DLGAP1: variants seen among roughly 807,000 people sequenced by gnomAD.
DLGAP1 encodes the protein DLG associated protein 1.
In DLGAP1, 11 loss-of-function variants were observed where a neutral mutation model predicts 90.8. That is an observed-to-expected ratio of 0.12 (90% CI 0.08 to 0.20). The LOEUF (loss-of-function observed/expected upper bound fraction) is 0.20. DLGAP1 is among the 10% of genes least tolerant of loss of function. DLGAP1 has a pLI of 1.00. For synonymous variants in DLGAP1, 558 were observed against 540.7 expected, an observed-to-expected ratio of 1.03 and a Z score of -0.44; for missense variants, 1,050 against 1,333.8, an observed-to-expected ratio of 0.79 and a Z score of 3.31.
chr18:3,677,671 T>G (rs908206303), intron 7 of DLGAP1, among the ~76,000 whole-genome samples: 3 of 152,224 alleles, frequency 2.0e-5, no homozygotes, highest in Non-Finnish European at 4.4e-5. Flanking sequence ...TTTCTTTTTT[T>G]TATTTGAAAC....
chr18:4,415,704 T>C (rs2082884773), intron 1 of DLGAP1, among the ~76,000 whole-genome samples: 1 of 152,176 alleles, frequency 6.6e-6, no homozygotes, highest in South Asian at 2.1e-4. Flanking sequence ...TTACTAGCTT[T>C]ATGTCTTGGG....
intron 1 of DLGAP1, among the ~76,000 whole-genome samples, chr18:4,361,586 T>C (rs984293277): frequency 6.6e-6 from 1 of 152,200 alleles, no homozygotes; most frequent in Admixed American, 6.5e-5. Flanking sequence ...CACCTAATGC[T>C]ACATATAAAA....
chr18:3,541,491 T>C (rs1388983979), intron 9 of DLGAP1, among the ~76,000 whole-genome samples: 2 of 152,210 alleles, frequency 1.3e-5, no homozygotes, highest in Non-Finnish European at 2.9e-5. Flanking sequence ...GGGTGGGTAC[T>C]GGGCTGTGAG....
intron 5 of DLGAP1, among the ~76,000 whole-genome samples, chr18:3,770,729 G>A (rs900426898): frequency 1.3e-5 from 2 of 152,172 alleles, no homozygotes; most frequent in African/African-American, 4.8e-5. Context: ...ATATTTGAAA[G>A]CATTTGTGAG....
intron 1 of DLGAP1, among the ~76,000 whole-genome samples, chr18:4,426,241 G>C (rs533420706): frequency 1.2e-4 from 19 of 152,236 alleles, no homozygotes; most frequent in Non-Finnish European, 2.6e-4. Context: ...CACACCCTTA[G>C]TGCATGTAGA....
chr18:3,866,800 G>A (rs2070412361), intron 4 of DLGAP1, among the ~76,000 whole-genome samples: 1 of 152,176 alleles, frequency 6.6e-6, no homozygotes, highest in Non-Finnish European at 1.5e-5. Flanking sequence ...GGGACTGGAA[G>A]GAAATGTCTT....
Position 4,076,010 on chromosome 18 carries a change from CTCCCTT to C in DLGAP1, c.-158-70815_-158-70810del, listed in dbSNP as rs977377258. Among the ~76,000 whole-genome samples the C allele has an allele frequency of 2.0e-5, 3 of 152,160 alleles. 1 individual carries two copies. The highest frequency in any genetic ancestry group is 7.2e-5 in the African/African-American group (3 of 41,422). On this transcript the variant is annotated intron_variant, in intron 2 of 12. Transcript: ENST00000315677. Reference sequence around the variant, plus strand: ...ACTCTTGGTCGCTCTCCCTCTCCCTCTCCCTTTCTCGCTCTCTGTCTGCCAATGCCT... The same window carrying C: ...ACTCTTGGTCGCTCTCCCTCTCCCTCTCTCGCTCTCTGTCTGCCAATGCCT...
At chr18:3,672,479 A>C (rs968555209) in intron 7 of DLGAP1, among the ~76,000 whole-genome samples, 1 of 143,450 alleles carries the variant, frequency 7.0e-6, no homozygotes, top group African/African-American at 2.5e-5. Flanking sequence ...CTGGAGGCTG[A>C]GGCTGGAGAA....
At chr18:3,895,320 CAT>C (rs1491475474) in intron 3 of DLGAP1, among the ~76,000 whole-genome samples, 2 of 141,758 alleles carry the variant, frequency 1.4e-5, no homozygotes, top group Non-Finnish European at 3.1e-5. Flanking sequence ...CACACACACA[CAT>C]CATCATCATC....
intron 1 of DLGAP1, among the ~76,000 whole-genome samples, chr18:4,446,528 A>T (rs280976): frequency 4.5e-4 from 68 of 152,010 alleles, no homozygotes; most frequent in Non-Finnish European, 5.9e-4. Flanking sequence ...GACTAAGAGA[A>T]GATGGGTGTT....
At chr18:4,072,465 C>T (rs1311444965) in intron 2 of DLGAP1, among the ~76,000 whole-genome samples, 2 of 123,194 alleles carry the variant, frequency 1.6e-5, no homozygotes, top group African/African-American at 3.1e-5. Flanking sequence ...TCATTTTCAA[C>T]ATCATTATCT....
At chr18:3,567,406 T>C (rs2054497422) in intron 9 of DLGAP1, 84 bp downstream of exon 9, 5 of 1,173,938 alleles carry the variant, frequency 4.3e-6, no homozygotes, top group Non-Finnish European at 5.0e-6. Context: ...TATCATTGAA[T>C]TTTGTAGACT....
At chr18:4,416,337 A>G (rs978146699) in intron 1 of DLGAP1, among the ~76,000 whole-genome samples, 36 of 152,210 alleles carry the variant, frequency 2.4e-4, no homozygotes, top group Admixed American at 2.2e-3. Context: ...ATAGGTTGCT[A>G]TTGAGTTATG....
At chr18:4,233,492 T>C (rs1354074551) in intron 1 of DLGAP1, among the ~76,000 whole-genome samples, 1 of 152,196 alleles carries the variant, frequency 6.6e-6, no homozygotes, top group Non-Finnish European at 1.5e-5. Context: ...CATCACATAA[T>C]ATCACAGGGT....
intron 7 of DLGAP1, among the ~76,000 whole-genome samples, chr18:3,583,170 C>A (rs143442458): frequency 5.0e-5 from 5 of 100,274 alleles, no homozygotes; most frequent in South Asian, 3.8e-4. Flanking sequence ...ACCTACCTAC[C>A]TACCTACCTA....
intron 2 of DLGAP1, among the ~76,000 whole-genome samples, chr18:4,139,323 C>T (rs55644427): frequency 0.012 from 1,759 of 151,920 alleles, 35 homozygotes; most frequent in African/African-American, 0.04. Context: ...GTTGTGTTTC[C>T]ATTATCATTT....
intron 1 of DLGAP1, among the ~76,000 whole-genome samples, chr18:4,198,389 G>A (rs190675255): frequency 3.3e-5 from 5 of 152,262 alleles, no homozygotes; most frequent in African/African-American, 1.2e-4. Context: ...AAAGCAATGA[G>A]CTCTGTCCCC....
At chr18:4,129,634 T>C (rs907682818) in intron 2 of DLGAP1, among the ~76,000 whole-genome samples, 2 of 152,094 alleles carry the variant, frequency 1.3e-5, no homozygotes, top group Non-Finnish European at 2.9e-5. Flanking sequence ...GAAGGATAAA[T>C]GTGAAGTTGT....
At chr18:4,032,411 T>G (rs2074810243) in intron 2 of DLGAP1, among the ~76,000 whole-genome samples, 2 of 152,084 alleles carry the variant, frequency 1.3e-5, no homozygotes, top group African/African-American at 4.8e-5. Flanking sequence ...GATACCTTGG[T>G]TTTTCCCCAA....
Sources: gnomAD v4.1 joint callset for allele counts (sites outside exome capture counted in the v4.1 genomes callset) on GRCh38, gnomAD v4.1.1 for gene constraint, MANE v1.5 for transcripts, NCBI Gene and HGNC (gene_info 2026-07-23, HGNC 2026-07-21) for gene names.